Variants in CFAP73 observed in about 807,000 individuals in gnomAD.
The protein encoded by CFAP73 is cilia and flagella associated protein 73.
A neutral mutation model predicts 42.9 loss-of-function variants in CFAP73; 33 were observed. The ratio of observed to expected loss-of-function variants is 0.77; its 90% CI spans 0.58 to 1.03. The LOEUF is 1.03. Among genes scored for constraint, CFAP73 ranks in the 50% least tolerant of loss-of-function variants. The pLI is 0.00. For missense variants in CFAP73, 392 were observed against 411.9 expected (o/e 0.95, Z 0.42); for synonymous variants, 162 against 186.8 (o/e 0.87, Z 1.08).
Position 113,157,584 on chromosome 12 carries a change from C to T in CFAP73, c.850-18C>T, listed in dbSNP as rs768274814. ...TGACTCTGGGGCTGGGATGTGACTT[C>T]GTGCTGGGCCCCCCCAGGTGAAGCT... On this transcript the variant is annotated intron_variant, in intron 6 of 7. Coordinates refer to ENST00000335621, the MANE Select transcript of CFAP73 (RefSeq NM_001144872.3). 235 of 1,550,724 alleles carry T rather than the reference C, an allele frequency of 1.5e-4. 1 individual carries two copies. In the Middle Eastern group the frequency reaches 2.3e-3, roughly 15 times the overall value.
rs923373651 is a variant in CFAP73 at position 113,154,250 on chromosome 12, C to A, written c.469-164C>A. Among the ~76,000 whole-genome samples the A allele has an allele frequency of 1.3e-5, 2 of 152,214 alleles. No homozygotes were observed. The highest frequency in any genetic ancestry group is 1.3e-4 in the Admixed American group (2 of 15,284). On this transcript the variant is annotated intron_variant, in intron 4 of 7. Coordinates refer to ENST00000335621, the MANE Select transcript of CFAP73 (RefSeq NM_001144872.3). The surrounding 1 kb of genome is among the most constrained non-coding windows in gnomAD (Gnocchi z 4.7). The stretch of plus-strand genomic sequence containing the variant: ...CTATGATCGCGCCACTGCACTCCAG[C>A]CCAGGTGACAGAGCGAGACCTTGTC...
chr12:113,155,235 T>A, intron 5 of CFAP73, 25 bp from the exon 6 acceptor site: 1 of 1,501,250 alleles, frequency 6.7e-7, no homozygotes, highest in Non-Finnish European at 9.0e-7. Flanking sequence ...TTGCCATAAT[T>A]GGGAGTGGGG....
chr12:113,156,213 C>T (rs1026035118), intron 6 of CFAP73, among the ~76,000 whole-genome samples: 1 of 152,052 alleles, frequency 6.6e-6, no homozygotes, highest in Non-Finnish European at 1.5e-5. Context: ...AGCCACCACA[C>T]CCAGCGTGAC....
intron 1 of CFAP73, among the ~76,000 whole-genome samples, chr12:113,151,055 T>C (rs187412068): frequency 1.3e-5 from 2 of 152,210 alleles, no homozygotes; most frequent in African/African-American, 4.8e-5. Context: ...ATTAGCTTGA[T>C]TTTCTGTGGC....
chr12:113,156,225 T>C (rs1017024981), intron 6 of CFAP73, among the ~76,000 whole-genome samples: 2 of 151,972 alleles, frequency 1.3e-5, no homozygotes, highest in Non-Finnish European at 2.9e-5. Flanking sequence ...CAGCGTGACA[T>C]AGGTTTACAA....
chr12:113,158,541 T>C lies in CFAP73; in HGVS notation c.*12-160T>C, dbSNP rs1952164621. ...CATTAAAAATTCCATTGCCAAACCCTGAGGCACTCAGGGCTCTGACCGGTG... is the reference window on the plus strand; with the variant it reads ...CATTAAAAATTCCATTGCCAAACCCCGAGGCACTCAGGGCTCTGACCGGTG... On this transcript the variant is annotated intron_variant, in intron 7 of 7. Coordinates refer to ENST00000335621, the MANE Select transcript of CFAP73 (RefSeq NM_001144872.3). The surrounding 1 kb of genome is among the most constrained non-coding windows in gnomAD (Gnocchi z 4.9). 1.1e-5 allele frequency: 3 copies of C among 261,546 alleles called. No individual in the cohort carries two copies. Among genetic ancestry groups the C allele is most frequent in the African/African-American group, 2.2e-5 (1 of 45,260 alleles). 16.2% of individuals were successfully genotyped at this position (261,546 alleles called of 1,614,324 possible). A position where few individuals can be genotyped will look rare whatever the true frequency, so the allele number is the denominator to read the frequency against.
intron 6 of CFAP73, 66 bp from the exon 7 acceptor site, chr12:113,157,536 G>A (rs1391698076): frequency 1.2e-5 from 17 of 1,379,840 alleles, no homozygotes; most frequent in Non-Finnish European, 1.7e-5. Flanking sequence ...TCCCCCGCGT[G>A]TTGAGGGGTG....
intron 6 of CFAP73, among the ~76,000 whole-genome samples, chr12:113,156,520 C>A (rs528176923): frequency 1.3e-5 from 2 of 151,964 alleles, no homozygotes; most frequent in Non-Finnish European, 2.9e-5. Flanking sequence ...GTTTTGTCTG[C>A]GGCTCGTCCT....
Position 113,153,206 on chromosome 12 carries a change from A to G in CFAP73, c.268-2A>G. ...TCGTCTTCTCCCCACCGTACTCCCC[A>G]GGACTCCGAGGCCCGGCGCAATCGC... On this transcript the variant is annotated splice_acceptor_variant, in intron 3 of 7. Transcript: ENST00000335621. LOFTEE classifies it high-confidence loss of function. The G allele has an allele frequency of 6.6e-7, 1 of 1,517,040 alleles. No individual in the cohort carries two copies. The highest frequency in any genetic ancestry group is 1.2e-5 in the South Asian group (1 of 82,170). 94.0% of individuals were successfully genotyped at this position (1,517,040 alleles called of 1,614,324 possible). A position where few individuals can be genotyped will look rare whatever the true frequency, so the allele number is the denominator to read the frequency against.
Position 113,158,671 on chromosome 12 carries a change from C to G in CFAP73, c.*12-30C>G. 3.3e-6 allele frequency: 2 copies of G among 607,214 alleles called. No individual in the cohort carries two copies. Among genetic ancestry groups the G allele is most frequent in the South Asian group, 5.4e-5 (2 of 36,896 alleles). 37.6% of individuals were successfully genotyped at this position (607,214 alleles called of 1,614,324 possible). On this transcript the variant is annotated intron_variant, in intron 7 of 7. Coordinates refer to ENST00000335621, the MANE Select transcript of CFAP73 (RefSeq NM_001144872.3). The surrounding 1 kb of genome is among the most constrained non-coding windows in gnomAD (Gnocchi z 4.9). ...TGCTGGCGAACTCCTGCACACCCTT[C>G]AAGGCCCTGTTCAAATGTCTCTGTC...
intron 4 of CFAP73, 36 bp downstream of exon 4, chr12:113,153,444 AC>A: frequency 2.2e-6 from 3 of 1,378,870 alleles, no homozygotes; most frequent in Non-Finnish European, 1.9e-6. Flanking sequence ...GCTCGGCGCC[AC>A]CGCGTGGCGC....
rs940547150 is a variant in CFAP73, at chr12:113,151,231, C to T, written c.57-687C>T. Among the ~76,000 whole-genome samples, 9 of 152,096 alleles carry T rather than the reference C, an allele frequency of 5.9e-5. No homozygotes were observed. The South Asian group carries it at 8.3e-4, about 14-fold the overall frequency. On this transcript the variant is annotated intron_variant, in intron 1 of 7. Transcript: ENST00000335621. Reference sequence around the variant, plus strand: ...GTGCGGTGGCTCACACCTGTAATCCCGGCACTTTGGGATGCCAAGGTGGGT... The same window carrying T: ...GTGCGGTGGCTCACACCTGTAATCCTGGCACTTTGGGATGCCAAGGTGGGT...
chr12:113,158,851 G>T lies in CFAP73; in HGVS notation c.*162G>T. On this transcript the variant is annotated 3_prime_UTR_variant, in exon 8 of 8. Coordinates refer to ENST00000335621, the MANE Select transcript of CFAP73 (RefSeq NM_001144872.3). The surrounding 1 kb of genome is among the most constrained non-coding windows in gnomAD (Gnocchi z 4.9). Reference sequence around the variant, plus strand: ...TGATGCCCACCCTAAGGCCAATCAAGGAGCCACGGGGCTGGGTCCTGGTCC... The same window carrying T: ...TGATGCCCACCCTAAGGCCAATCAATGAGCCACGGGGCTGGGTCCTGGTCC... 6.4e-7 allele frequency: 1 copy of T among 1,566,364 alleles called. No homozygotes were observed. Among genetic ancestry groups the T allele is most frequent in the South Asian group, 1.2e-5 (1 of 84,596 alleles).
chr12:113,157,430 A>G (rs1952141320), intron 6 of CFAP73, 172 bp from the exon 7 acceptor site: 1 of 616,758 alleles, frequency 1.6e-6, no homozygotes, highest in South Asian at 2.0e-5. Context: ...TTCAAAACCC[A>G]GAACGGTTTA....
chr12:113,154,540 C>G lies in CFAP73; in HGVS notation c.595C>G (p.Arg199Gly). The change falls in exon 5 of 8, where the codon CGG becomes GGG. Residue 199 changes from arginine to glycine, a missense_variant. Transcript: ENST00000335621. The surrounding 1 kb of genome is among the most constrained non-coding windows in gnomAD (Gnocchi z 4.7). ...GGCGCGAGCGCGGCTGCAGCAGCTG[C>G]GGGACGCCTGGCCGGACGAGGTGCT... ...EAARARLQQL[R>G]DAWPDEVLAQ... 2 of 1,487,110 alleles carry G rather than the reference C, an allele frequency of 1.3e-6. No individual in the cohort carries two copies. The highest frequency in any genetic ancestry group is 1.8e-6 in the Non-Finnish European group (2 of 1,126,738). 92.1% of individuals were successfully genotyped at this position (1,487,110 alleles called of 1,614,324 possible). A position where few individuals can be genotyped will look rare whatever the true frequency, so the allele number is the denominator to read the frequency against.
intron 6 of CFAP73, 80 bp downstream of exon 6, chr12:113,155,498 T>G: frequency 7.1e-7 from 1 of 1,404,112 alleles, no homozygotes; most frequent in Non-Finnish European, 9.6e-7. Context: ...CCACAGTTAG[T>G]GACACCTTCT....
In CFAP73 at chr12:113,158,562, C is replaced by G. The variant is rs1440619941; in HGVS notation, c.*12-139C>G. On this transcript the variant is annotated intron_variant, in intron 7 of 7. Transcript: ENST00000335621. This position sits in a 1 kb window ranked among gnomAD's most constrained non-coding sequence, Gnocchi z 4.9. ...ACCCTGAGGCACTCAGGGCTCTGAC[C>G]GGTGCAGCCATGACCTCTGAACCCA... 1 of 308,390 alleles carries G rather than the reference C, an allele frequency of 3.2e-6. No homozygotes were observed. Among genetic ancestry groups the G allele is most frequent in the East Asian group, 5.7e-5 (1 of 17,490 alleles). 19.1% of individuals were successfully genotyped at this position (308,390 alleles called of 1,614,324 possible).
At chr12:113,155,135 A>G in intron 5 of CFAP73, 125 bp from the exon 6 acceptor site, 1 of 816,744 alleles carries the variant, frequency 1.2e-6, no homozygotes, top group Non-Finnish European at 1.8e-6. Context: ...AGGCCACTGC[A>G]CTCCAGCCTG....
At position 113,153,322 on chromosome 12, in the gene CFAP73, C is replaced by T. The variant is rs1021120725; in HGVS notation, c.382C>T (p.Arg128Trp). ...RLWTQLQELR[R>W]EHARLQRRLK... Reference sequence around the variant, plus strand: ...GTGGACCCAGCTCCAGGAGCTACGGCGGGAACACGCGCGGCTGCAGCGCCG... The same window carrying T: ...GTGGACCCAGCTCCAGGAGCTACGGTGGGAACACGCGCGGCTGCAGCGCCG... Residue 128 changes from arginine (R) to tryptophan (W), a missense_variant, in exon 4 of 8, where the codon CGG (arginine) becomes TGG (tryptophan). By Grantham distance (101) the Arg-to-Trp change is moderately radical. Coordinates refer to ENST00000335621, the MANE Select transcript of CFAP73 (RefSeq NM_001144872.3). 1 of 1,516,344 alleles carries T rather than the reference C, an allele frequency of 6.6e-7. No homozygotes were observed. Among genetic ancestry groups the T allele is most frequent in the Non-Finnish European group, 8.8e-7 (1 of 1,137,058 alleles). 93.9% of individuals were successfully genotyped at this position (1,516,344 alleles called of 1,614,324 possible).
Sources: allele counts gnomAD v4.1 joint callset (sites outside exome capture counted in the v4.1 genomes callset), GRCh38; gene constraint gnomAD v4.1.1; non-coding constraint Gnocchi (gnomAD v3.1); transcripts MANE v1.5; gene names NCBI Gene and HGNC (gene_info 2026-07-23, HGNC 2026-07-21).